The following ESR1 variants were observed in gnomAD, a reference collection of about 807,000 sequenced individuals.
The protein encoded by ESR1 is estrogen receptor 1.
In ESR1, 12 loss-of-function variants were observed where a neutral mutation model predicts 52.7. That is an observed-to-expected ratio of 0.23 (90% confidence interval 0.15 to 0.37). The LOEUF is 0.37. Ranked by LOEUF, ESR1 falls within the 10% of genes least tolerant of loss-of-function variation. The probability of loss-of-function intolerance (pLI) is 1.00; values close to 1 mark genes in which losing one functional copy is unlikely to be tolerated. For synonymous variants in ESR1, 305 were observed against 316.8 expected, an observed-to-expected ratio of 0.96 and a Z score of 0.39; for missense variants, 584 against 779.7, an observed-to-expected ratio of 0.75 and a Z score of 2.99.
intron 4 of ESR1, among the ~76,000 whole-genome samples, chr6:151,973,048 G>C (rs1470491190): frequency 1.3e-5 from 2 of 152,146 alleles, no homozygotes; most frequent in Non-Finnish European, 2.9e-5. Flanking sequence ...CCCAGATTGA[G>C]GGCGGGTCTG....
intron 3 of ESR1, among the ~76,000 whole-genome samples, chr6:151,928,183 TC>T (rs1230873540): frequency 6.6e-6 from 1 of 152,214 alleles, no homozygotes; most frequent in African/African-American, 2.4e-5. Context: ...TGGGGTTGTG[TC>T]CCAGTACATC....
chr6:151,724,452 AG>A (rs1253374823), intron 2 of ESR1, among the ~76,000 whole-genome samples: 2 of 152,140 alleles, frequency 1.3e-5, no homozygotes, highest in Admixed American at 1.3e-4. Context: ...GGACATTTAA[AG>A]GATTAGGTCC....
At chr6:151,998,324 A>G (rs781360316) in intron 4 of ESR1, among the ~76,000 whole-genome samples, 2 of 152,170 alleles carry the variant, frequency 1.3e-5, no homozygotes, top group Non-Finnish European at 2.9e-5. Context: ...CTAGCTGCCC[A>G]TACCAAGAGG....
chr6:151,976,553 A>G (rs1173185050), intron 4 of ESR1, among the ~76,000 whole-genome samples: 1 of 152,142 alleles, frequency 6.6e-6, no homozygotes, highest in Non-Finnish European at 1.5e-5. Flanking sequence ...TCTCATCAGA[A>G]TAGTATTAAT....
chr6:151,821,174 G>T (rs1408128822), intron 1 of ESR1, among the ~76,000 whole-genome samples: 1 of 149,578 alleles, frequency 6.7e-6, no homozygotes, highest in Non-Finnish European at 1.5e-5. Flanking sequence ...AATAGATGGA[G>T]GCATGCCCAG....
chr6:151,665,626 T>C (rs1442873603), intron 1 of ESR1, among the ~76,000 whole-genome samples: 1 of 152,154 alleles, frequency 6.6e-6, no homozygotes, highest in African/African-American at 2.4e-5. Context: ...TCTTTTTTTT[T>C]CGCTGAATTC....
chr6:151,958,816 C>A (rs937076724), intron 4 of ESR1, among the ~76,000 whole-genome samples: 1 of 152,170 alleles, frequency 6.6e-6, no homozygotes, highest in Admixed American at 6.5e-5. Context: ...AGCATCACTC[C>A]CCTGTACCTC....
At chr6:151,730,302 G>A (rs1490144623) in intron 2 of ESR1, among the ~76,000 whole-genome samples, 1 of 151,872 alleles carries the variant, frequency 6.6e-6, no homozygotes, top group Admixed American at 6.6e-5. Flanking sequence ...CCCCTGTCTC[G>A]AGCTCTGCTT....
intron 2 of ESR1, among the ~76,000 whole-genome samples, chr6:151,750,818 C>A (rs1783846463): frequency 6.6e-6 from 1 of 152,048 alleles, no homozygotes; most frequent in African/African-American, 2.4e-5. Context: ...AAAAAAATCA[C>A]GTTCTCACAA....
rs554818109 is a variant in ESR1, at chr6:152,029,993, T to G, written c.1235+18199T>G. Among the ~76,000 whole-genome samples, 118 of 152,286 alleles carry G rather than the reference T, an allele frequency of 7.7e-4. 1 individual carries two copies. Among genetic ancestry groups the G allele is most frequent in the African/African-American group, 2.7e-3 (114 of 41,550 alleles). ...GAGAGTGGGGGCCGATATTACACAT[T>G]CTTAAAGAAAAGAATTTTCAACCCA... On this transcript the variant is annotated intron_variant, in intron 5 of 7. Transcript: ENST00000206249.
chr6:151,658,483 A>G (rs1458253572), intron 1 of ESR1, among the ~76,000 whole-genome samples: 1 of 152,212 alleles, frequency 6.6e-6, no homozygotes, highest in Non-Finnish European at 1.5e-5. Context: ...ATTCCCACTT[A>G]TGCACCAAAC....
chr6:151,944,072 T>C lies in ESR1; in HGVS notation c.761-101T>C. The C allele has an allele frequency of 3.1e-6, 3 of 969,396 alleles. No individual in the cohort carries two copies. In the South Asian group the frequency reaches 4.4e-5, roughly 14 times the overall value. 60.0% of individuals were successfully genotyped at this position (969,396 alleles called of 1,614,324 possible). On this transcript the variant is annotated intron_variant, in intron 3 of 7. Transcript: ENST00000206249. ...CAGCTCACCTGTGCTTGAAAGTATT[T>C]CTTCAAATAAAATGAAAGCTGGTTA...
chr6:152,073,182 T>C (rs113041263), intron 6 of ESR1, among the ~76,000 whole-genome samples: 10 of 146,622 alleles, frequency 6.8e-5, no homozygotes, highest in African/African-American at 2.7e-4. Flanking sequence ...GCCTTAAGGA[T>C]GATAGAAATA....
At chr6:151,663,609 AT>A (rs1041915304) in intron 1 of ESR1, among the ~76,000 whole-genome samples, 238 of 152,048 alleles carry the variant, frequency 1.6e-3, no homozygotes, top group African/African-American at 5.3e-3. Context: ...AATATCATGC[AT>A]TTTTTTTGTC....
At chr6:151,721,614 T>C (rs916872157) in intron 2 of ESR1, among the ~76,000 whole-genome samples, 1 of 152,222 alleles carries the variant, frequency 6.6e-6, no homozygotes, top group African/African-American at 2.4e-5. Context: ...GAAAGGAAGA[T>C]GCTAACGATT....
chr6:151,918,055 A>G (rs1371897032), intron 3 of ESR1, among the ~76,000 whole-genome samples: 1 of 152,214 alleles, frequency 6.6e-6, no homozygotes, highest in Non-Finnish European at 1.5e-5. Context: ...AGTCCATTCC[A>G]GCTCAGCAGG....
intron 2 of ESR1, among the ~76,000 whole-genome samples, chr6:151,758,406 A>G (rs1253101955): frequency 2.0e-5 from 3 of 152,200 alleles, no homozygotes; most frequent in Non-Finnish European, 4.4e-5. Flanking sequence ...AGGATCAGAA[A>G]AATATAGCAT....
intron 3 of ESR1, among the ~76,000 whole-genome samples, chr6:151,893,640 G>T (rs578014543): frequency 6.6e-6 from 1 of 151,958 alleles, no homozygotes; most frequent in Non-Finnish European, 1.5e-5. Context: ...AAAAATTATT[G>T]ATACATTATG....
chr6:152,118,599 G>T (rs1056720479), intron 6 of ESR1, among the ~76,000 whole-genome samples: 8 of 151,132 alleles, frequency 5.3e-5, no homozygotes, highest in African/African-American at 1.2e-4. Flanking sequence ...GGCCTGTCAG[G>T]GGGGTAGGAG....
Sources: allele counts gnomAD v4.1 joint callset (sites outside exome capture counted in the v4.1 genomes callset), GRCh38; gene constraint gnomAD v4.1.1; transcripts MANE v1.5; gene names NCBI Gene and HGNC (gene_info 2026-07-23, HGNC 2026-07-21).